Variants in HOOK1 observed in about 807,000 individuals in gnomAD.
HOOK1 encodes the protein protein Hook homolog 1.
HOOK1 carries 60 observed loss-of-function variants against 112.8 expected under a neutral mutation model. The ratio of observed to expected loss-of-function variants is 0.53; its 90% CI spans 0.43 to 0.66. The LOEUF (loss-of-function observed/expected upper bound fraction) is 0.66. Among genes scored for constraint, HOOK1 ranks in the 30% least tolerant of loss-of-function variants. The pLI is 0.00. For synonymous variants in HOOK1, 294 were observed against 283.8 expected (o/e 1.04, Z -0.36); for missense variants, 770 against 856.0 (o/e 0.90, Z 1.25).
In HOOK1 at chr1:59,840,355, A is replaced by G. The variant is rs2098400435; in HGVS notation, c.585A>G (p.Glu195=). The G allele has an allele frequency of 6.3e-7, 1 of 1,594,968 alleles. No homozygotes were observed. Among genetic ancestry groups the G allele is most frequent in the Admixed American group, 1.8e-5 (1 of 57,098 alleles). The change falls in exon 8 of 22, where the codon GAA becomes GAG. Residue 195 remains glutamate, a synonymous_variant. Coordinates refer to ENST00000371208, the MANE Select transcript of HOOK1 (RefSeq NM_015888.6). ...EELQEALAEK[E]ELRQRCEELD... ...TTCAGGAAGCACTAGCAGAAAAAGA[A>G]GAGCTGAGGCAAAGATGTGAAGAAT...
At chr1:59,860,143 C>T (rs773815924) in intron 14 of HOOK1, 45 bp from the exon 15 acceptor site, 4 of 1,446,872 alleles carry the variant, frequency 2.8e-6, no homozygotes, top group Non-Finnish European at 1.9e-6. Flanking sequence ...AATATAATGA[C>T]TCATATTTTT....
At chr1:59,823,775 G>C (rs1264129519) in intron 2 of HOOK1, among the ~76,000 whole-genome samples, 1 of 152,228 alleles carries the variant, frequency 6.6e-6, no homozygotes, top group Non-Finnish European at 1.5e-5. Context: ...GGATTATGCT[G>C]TTAATGCTGA....
rs1264017090 is a variant in HOOK1, at chr1:59,848,411, T to A, written c.1026T>A (p.Thr342=). The change falls in exon 11 of 22, where the codon ACT becomes ACA. Residue 342 remains threonine, a synonymous_variant. Coordinates refer to ENST00000371208, the MANE Select transcript of HOOK1 (RefSeq NM_015888.6). ...DLNDLRKQVK[T]LQETNMMYMH... ...ATGACCTTCGCAAGCAGGTGAAAAC[T>A]TTACAGGAAACCAACATGATGTATA... 6.2e-7 allele frequency: 1 copy of A among 1,611,066 alleles called. No homozygotes were observed. Among genetic ancestry groups the A allele is most frequent in the Non-Finnish European group, 8.5e-7 (1 of 1,177,906 alleles).
chr1:59,827,748 TC>T (rs2098391044), intron 2 of HOOK1, among the ~76,000 whole-genome samples: 1 of 152,062 alleles, frequency 6.6e-6, no homozygotes, highest in Non-Finnish European at 1.5e-5. Context: ...CTTTTGGTTA[TC>T]ATAGCCAGAA....
Position 59,860,338 on chromosome 1 carries a change from T to C in HOOK1, c.1532+10T>C, listed in dbSNP as rs148604644. 89 of 1,547,578 alleles carry C rather than the reference T, an allele frequency of 5.8e-5. 1 individual carries two copies. The African/African-American group carries it at 9.2e-4, about 16-fold the overall frequency. On this transcript the variant is annotated intron_variant, in intron 15 of 21. Coordinates refer to ENST00000371208, the MANE Select transcript of HOOK1 (RefSeq NM_015888.6). The stretch of plus-strand genomic sequence containing the variant: ...TGGAAACTGAGCAGAGGTGATATGC[T>C]CCTTAGTAACTGAAAATCTTGGTGA...
In HOOK1 at chr1:59,815,064, C is replaced by G; in HGVS notation, c.-54C>G. 2 of 1,371,344 alleles carry G rather than the reference C, an allele frequency of 1.5e-6. No homozygotes were observed. The highest frequency in any genetic ancestry group is 1.9e-6 in the Non-Finnish European group (2 of 1,064,394). 84.9% of individuals were successfully genotyped at this position (1,371,344 alleles called of 1,614,324 possible). On this transcript the variant is annotated 5_prime_UTR_variant, in exon 1 of 22. Coordinates refer to ENST00000371208, the MANE Select transcript of HOOK1 (RefSeq NM_015888.6). ...GTGGACGCCGGCTCCTGGAGGAGAGCCGGTAGGAGGGAGTGTGAAGGTGTC... is the reference window on the plus strand; with the variant it reads ...GTGGACGCCGGCTCCTGGAGGAGAGGCGGTAGGAGGGAGTGTGAAGGTGTC...
chr1:59,854,883 A>G (rs1244210713), intron 12 of HOOK1, among the ~76,000 whole-genome samples: 1 of 152,236 alleles, frequency 6.6e-6, no homozygotes, highest in Non-Finnish European at 1.5e-5. Context: ...TATTATTTAA[A>G]TGTCAGGTTT....
chr1:59,815,407 TAACAG>T lies in HOOK1; in HGVS notation c.63+228_63+232del, dbSNP rs1574164065. 36 of 576,146 alleles carry T rather than the reference TAACAG, an allele frequency of 6.2e-5. 1 individual carries two copies. The highest frequency in any genetic ancestry group is 5.4e-4 in the South Asian group (27 of 49,626). The allele number at this position is 576,146 out of a possible 1,614,324, so 35.7% of individuals were successfully genotyped here. On this transcript the variant is annotated intron_variant, in intron 1 of 21. Transcript: ENST00000371208. Reference sequence around the variant, plus strand: ...GGGGGTAAAGGAAGCTCTGGGAGCGTAACAGTGGAGGCTCTGGTCTCAACCAGAGG... The same window carrying T: ...GGGGGTAAAGGAAGCTCTGGGAGCGTTGGAGGCTCTGGTCTCAACCAGAGG...
In HOOK1 at chr1:59,840,248, A is replaced by T. The variant is rs922735679; in HGVS notation, c.538-60A>T. 18 of 1,153,558 alleles carry T rather than the reference A, an allele frequency of 1.6e-5. No individual in the cohort carries two copies. The Admixed American group carries it at 4.8e-4, about 31-fold the overall frequency. The allele number at this position is 1,153,558 out of a possible 1,614,324, so 71.5% of individuals were successfully genotyped here. On this transcript the variant is annotated intron_variant, in intron 7 of 21. Coordinates refer to ENST00000371208, the MANE Select transcript of HOOK1 (RefSeq NM_015888.6). ...TGTTGTGAGAAGAGTATATTTTTCT[A>T]TTTTTCTATATTTGTGTCAAAACAC...
At chr1:59,826,136 C>A (rs1219119441) in intron 2 of HOOK1, among the ~76,000 whole-genome samples, 2 of 152,004 alleles carry the variant, frequency 1.3e-5, no homozygotes, top group Non-Finnish European at 2.9e-5. Flanking sequence ...GATAAATACA[C>A]CGGATGGAGT....
intron 20 of HOOK1, among the ~76,000 whole-genome samples, chr1:59,868,596 A>G (rs1644007214): frequency 6.6e-6 from 1 of 152,228 alleles, no homozygotes; most frequent in Admixed American, 6.5e-5. Flanking sequence ...CAGGCATTAT[A>G]TGGCTATCCC....
intron 19 of HOOK1, among the ~76,000 whole-genome samples, chr1:59,867,815 C>G (rs1007634503): frequency 1.3e-5 from 2 of 152,034 alleles, no homozygotes; most frequent in African/African-American, 4.8e-5. Flanking sequence ...AAGATTATTG[C>G]TAAGAATTTC....
chr1:59,826,363 C>A (rs893155036), intron 2 of HOOK1, among the ~76,000 whole-genome samples: 1 of 151,684 alleles, frequency 6.6e-6, no homozygotes, highest in Non-Finnish European at 1.5e-5. Context: ...AAAGAGATGC[C>A]CTGAGATTTC....
intron 3 of HOOK1, among the ~76,000 whole-genome samples, chr1:59,831,386 A>C (rs1046081322): frequency 6.6e-6 from 1 of 152,144 alleles, no homozygotes; most frequent in Non-Finnish European, 1.5e-5. Flanking sequence ...CATTCTGGCT[A>C]GTGAGAATTT....
intron 10 of HOOK1, among the ~76,000 whole-genome samples, chr1:59,847,641 A>G (rs568890756): frequency 6.6e-6 from 1 of 151,666 alleles, no homozygotes. Flanking sequence ...TAAAGTTTAT[A>G]TTTACTTTTT....
At chr1:59,851,175 T>C (rs536565309) in intron 12 of HOOK1, among the ~76,000 whole-genome samples, 1 of 151,710 alleles carries the variant, frequency 6.6e-6, no homozygotes, top group African/African-American at 2.4e-5. Context: ...AGCATTTTCA[T>C]GTGAATCTTG....
rs994038283 is a variant in HOOK1, at chr1:59,862,855, G to T, written c.1604G>T (p.Gly535Val). 2 of 1,608,314 alleles carry T rather than the reference G, an allele frequency of 1.2e-6. No individual in the cohort carries two copies. The highest frequency in any genetic ancestry group is 2.2e-5 in the East Asian group (1 of 44,818). ...EDLQKSLQEQGSKSEGESSSK... is the reference protein window; with the variant it reads ...EDLQKSLQEQVSKSEGESSSK... The stretch of plus-strand genomic sequence containing the variant: ...CTCCAGAAATCTTTACAGGAACAAG[G>T]TTCCAAGTCTGAAGGCGAAAGTGTA... The change falls in exon 16 of 22, where the codon GGT becomes GTT. Residue 535 changes from glycine (G) to valine (V), a missense_variant. Physicochemically the swap from Gly to Val is moderately radical, Grantham distance 109. Transcript: ENST00000371208.
chr1:59,852,825 G>T (rs113133506), intron 12 of HOOK1, among the ~76,000 whole-genome samples: 9,649 of 151,006 alleles, frequency 0.064, 371 homozygotes, highest in Middle Eastern at 0.093. Context: ...CTGTGTTTTG[G>T]CATATTGCAT....
At chr1:59,820,691 C>G (rs1449410789) in intron 1 of HOOK1, among the ~76,000 whole-genome samples, 1 of 152,036 alleles carries the variant, frequency 6.6e-6, no homozygotes, top group Non-Finnish European at 1.5e-5. Flanking sequence ...TTTTGCAGAA[C>G]ATTTTGTGCA....
Sources: allele counts gnomAD v4.1 joint callset (sites outside exome capture counted in the v4.1 genomes callset), GRCh38; gene constraint gnomAD v4.1.1; transcripts MANE v1.5; gene names NCBI Gene and HGNC (gene_info 2026-07-23, HGNC 2026-07-21).